COX7B2: variants seen among roughly 807,000 people sequenced by gnomAD.
The protein encoded by COX7B2 is cytochrome c oxidase subunit 7B2, also known as cytochrome c oxidase subunit 7B2, mitochondrial.
For missense variants in COX7B2, 109 were observed against 95.9 expected (o/e 1.14, Z -0.57); for synonymous variants, 37 against 32.1 (o/e 1.15, Z -0.51).
rs368947099 is a variant in COX7B2, at chr4:46,784,392, C to T, written c.-49-49151G>A. On this transcript the variant is annotated intron_variant, in intron 2 of 2. Coordinates refer to ENST00000355591, the MANE Select transcript of COX7B2 (RefSeq NM_130902.3). ...CTGTAATCCCAGCACTTTGAGAGGC[C>T]GAGGCAGACAGATCATGAGGTCAGG... Among the ~76,000 whole-genome samples, 32 of 151,940 alleles carry T rather than the reference C, an allele frequency of 2.1e-4. 1 individual carries two copies. Among genetic ancestry groups the T allele is most frequent in the African/African-American group, 7.0e-4 (29 of 41,362 alleles).
intron 1 of COX7B2, among the ~76,000 whole-genome samples, chr4:46,893,328 G>T (rs537080399): frequency 2.1e-4 from 32 of 152,234 alleles, no homozygotes; most frequent in Middle Eastern, 3.4e-3. Context: ...CTTTATACCA[G>T]CCAGTTGAAA....
intron 2 of COX7B2, among the ~76,000 whole-genome samples, chr4:46,750,501 T>A (rs1715303489): frequency 6.7e-6 from 1 of 149,870 alleles, no homozygotes; most frequent in Admixed American, 6.8e-5. Flanking sequence ...TAAATATAAC[T>A]ATTAAAGAGT....
chr4:46,783,588 G>A (rs1717595573), intron 2 of COX7B2, among the ~76,000 whole-genome samples: 1 of 152,100 alleles, frequency 6.6e-6, no homozygotes, highest in Non-Finnish European at 1.5e-5. Flanking sequence ...ATCTACAGAG[G>A]GGATCATCCT....
chr4:46,880,993 T>TAAAA (rs1215385422), intron 1 of COX7B2, among the ~76,000 whole-genome samples: 11,536 of 102,464 alleles, frequency 0.11, 778 homozygotes, highest in South Asian at 0.24. Flanking sequence ...TAGAGTATAA[T>TAAAA]AAAAAAAAAA....
At chr4:46,831,184 C>T (rs1681215069) in intron 2 of COX7B2, among the ~76,000 whole-genome samples, 1 of 152,164 alleles carries the variant, frequency 6.6e-6, no homozygotes, top group Admixed American at 6.5e-5. Context: ...GCCCCCAGGC[C>T]AGCAGCTGCG....
chr4:46,853,515 A>G (rs1716831805), intron 1 of COX7B2, among the ~76,000 whole-genome samples: 1 of 152,130 alleles, frequency 6.6e-6, no homozygotes, highest in Admixed American at 6.6e-5. Context: ...TTATAATATG[A>G]TTACAGCAGT....
At chr4:46,756,388 G>A (rs889445326) in intron 2 of COX7B2, among the ~76,000 whole-genome samples, 3 of 151,960 alleles carry the variant, frequency 2.0e-5, no homozygotes, top group Non-Finnish European at 4.4e-5. Flanking sequence ...CATTGGGCTA[G>A]GCAAAGAATT....
chr4:46,814,051 T>C (rs1198139936), intron 2 of COX7B2, among the ~76,000 whole-genome samples: 1 of 152,094 alleles, frequency 6.6e-6, no homozygotes, highest in African/African-American at 2.4e-5. Context: ...GGTGGGGATG[T>C]GGAGAAAAGG....
intron 2 of COX7B2, among the ~76,000 whole-genome samples, chr4:46,759,856 CTTATATAAG>C (rs1180017733): frequency 6.7e-6 from 1 of 149,030 alleles, no homozygotes; most frequent in Non-Finnish European, 1.5e-5. Context: ...TAAGTCATAT[CTTATATAAG>C]TTATATAAGT....
At chr4:46,870,462 A>C (rs1717919661) in intron 1 of COX7B2, among the ~76,000 whole-genome samples, 1 of 152,160 alleles carries the variant, frequency 6.6e-6, no homozygotes, top group South Asian at 2.1e-4. Flanking sequence ...CTGCTTTTCA[A>C]CATAGTACTG....
At chr4:46,758,683 A>G (rs1237169925) in intron 2 of COX7B2, among the ~76,000 whole-genome samples, 1 of 152,146 alleles carries the variant, frequency 6.6e-6, no homozygotes, top group Non-Finnish European at 1.5e-5. Flanking sequence ...ATATATTCTC[A>G]AAGTAGAAAT....
At chr4:46,904,797 T>C (rs970867850) in intron 1 of COX7B2, among the ~76,000 whole-genome samples, 1 of 152,062 alleles carries the variant, frequency 6.6e-6, no homozygotes, top group South Asian at 2.1e-4. Context: ...AAACATGCAG[T>C]TGACTGAAAA....
chr4:46,754,728 G>GTATATATA lies in COX7B2; in HGVS notation c.-49-19495_-49-19488dup, dbSNP rs56248005. ...TGTGTGTGTGTGTGTGTGTGTGTGT[G>GTATATATA]TATATATATATATATATATATGAAA... On this transcript the variant is annotated intron_variant, in intron 2 of 2. Coordinates refer to ENST00000355591, the MANE Select transcript of COX7B2 (RefSeq NM_130902.3). 7.7e-3 allele frequency among the ~76,000 whole-genome samples: 306 copies of GTATATATA among 39,744 alleles called. 18 individuals carry two copies. Among genetic ancestry groups the GTATATATA allele is most frequent in the African/African-American group, 0.028 (245 of 8,672 alleles). 26.1% of individuals were successfully genotyped at this position (39,744 alleles called of 152,430 possible).
intron 1 of COX7B2, among the ~76,000 whole-genome samples, chr4:46,848,782 T>A (rs1170023178): frequency 6.6e-6 from 1 of 152,078 alleles, no homozygotes; most frequent in African/African-American, 2.4e-5. Flanking sequence ...TGTGTGTTTA[T>A]GTGTATATAT....
At chr4:46,875,699 A>G (rs183754756) in intron 1 of COX7B2, among the ~76,000 whole-genome samples, 27 of 151,868 alleles carry the variant, frequency 1.8e-4, no homozygotes, top group Admixed American at 7.2e-4. Flanking sequence ...TGACTTCCCA[A>G]CTAAATTCTG....
intron 2 of COX7B2, among the ~76,000 whole-genome samples, chr4:46,791,714 C>G (rs1289725586): frequency 6.6e-6 from 1 of 152,154 alleles, no homozygotes; most frequent in Non-Finnish European, 1.5e-5. Context: ...AAAAGAACAA[C>G]AAGTTTTGAA....
chr4:46,856,130 G>C (rs999218492), intron 1 of COX7B2, among the ~76,000 whole-genome samples: 2 of 152,038 alleles, frequency 1.3e-5, no homozygotes, highest in Non-Finnish European at 2.9e-5. Flanking sequence ...TGTAATCCCA[G>C]CTACTTGGGT....
At chr4:46,797,665 G>A (rs1313057161) in intron 2 of COX7B2, among the ~76,000 whole-genome samples, 1 of 152,120 alleles carries the variant, frequency 6.6e-6, no homozygotes. Flanking sequence ...AAGGATACAG[G>A]GGCAATGATT....
intron 2 of COX7B2, among the ~76,000 whole-genome samples, chr4:46,767,605 A>G (rs541400541): frequency 1.3e-5 from 2 of 152,334 alleles, no homozygotes; most frequent in South Asian, 4.1e-4. Flanking sequence ...TAGGCTACAA[A>G]AAAAGTCTCA....
Sources: allele counts gnomAD v4.1 joint callset (sites outside exome capture counted in the v4.1 genomes callset), GRCh38; gene constraint gnomAD v4.1.1; transcripts MANE v1.5; gene names NCBI Gene and HGNC (gene_info 2026-07-23, HGNC 2026-07-21).